Variants in PHACTR1 observed in about 807,000 individuals in gnomAD.
PHACTR1 encodes the protein RPEL repeat containing 1.
Under a neutral mutation model 69.2 loss-of-function variants are expected in PHACTR1, and 16 were observed. That is an observed-to-expected ratio of 0.23 (90% CI 0.16 to 0.35). The LOEUF (loss-of-function observed/expected upper bound fraction) is 0.35, where lower values mean the gene tolerates loss of function less well. Ranked by LOEUF, PHACTR1 falls within the 10% of genes least tolerant of loss-of-function variation. The probability of loss-of-function intolerance (pLI) is 1.00; values close to 1 mark genes in which losing one functional copy is unlikely to be tolerated. For missense variants in PHACTR1, 510 were observed against 734.7 expected (o/e 0.69, Z 3.54); for synonymous variants, 312 against 284.5 (o/e 1.10, Z -0.97).
intron 5 of PHACTR1, among the ~76,000 whole-genome samples, chr6:13,079,937 C>T (rs781001287): frequency 2.6e-5 from 4 of 152,110 alleles, no homozygotes; most frequent in Non-Finnish European, 5.9e-5. Flanking sequence ...ACCTTCCTCT[C>T]GTTTTGACAG....
At chr6:13,092,290 C>T (rs1383926656) in intron 5 of PHACTR1, among the ~76,000 whole-genome samples, 1 of 152,182 alleles carries the variant, frequency 6.6e-6, no homozygotes. Context: ...GGACCCCTGG[C>T]TTAGGGCCTC....
chr6:13,132,259 A>T (rs1034642797), intron 5 of PHACTR1, among the ~76,000 whole-genome samples: 3 of 151,732 alleles, frequency 2.0e-5, no homozygotes, highest in Non-Finnish European at 2.9e-5. Flanking sequence ...ATGGAGCCAA[A>T]CTCTTTCCCT....
chr6:13,278,953 A>G (rs1244226903), intron 12 of PHACTR1, among the ~76,000 whole-genome samples: 25 of 98,814 alleles, frequency 2.5e-4, no homozygotes, highest in Non-Finnish European at 3.2e-4. Flanking sequence ...ACAGAGCAAG[A>G]CTCTGTCTCA....
Position 12,987,939 on chromosome 6 carries a change from C to T in PHACTR1, c.251-65426C>T, listed in dbSNP as rs373552392. Reference sequence around the variant, plus strand: ...GACTGCATGGATGTTGTGAATTTTCCAGCACTTGTGCTAGATGGGACTAAC... The same window carrying T: ...GACTGCATGGATGTTGTGAATTTTCTAGCACTTGTGCTAGATGGGACTAAC... On this transcript the variant is annotated intron_variant, in intron 4 of 14. Transcript: ENST00000332995. Among the ~76,000 whole-genome samples the T allele has an allele frequency of 3.7e-4, 56 of 152,254 alleles. No individual in the cohort carries two copies. The South Asian group carries it at 0.011, about 29-fold the overall frequency.
chr6:13,227,265 C>T (rs1431996538), intron 8 of PHACTR1, among the ~76,000 whole-genome samples: 1 of 152,190 alleles, frequency 6.6e-6, no homozygotes, highest in Non-Finnish European at 1.5e-5. Flanking sequence ...CTCAGCATCT[C>T]CAGCCACAGC....
At position 12,749,747 on chromosome 6, in the gene PHACTR1, G is replaced by A; in HGVS notation, c.207G>A (p.Thr69=). 6.2e-7 allele frequency: 1 copy of A among 1,611,912 alleles called. No individual in the cohort carries two copies. The highest frequency in any genetic ancestry group is 8.5e-7 in the Non-Finnish European group (1 of 1,179,660). Residue 69 remains threonine (T), a synonymous_variant, in exon 4 of 15, where the codon ACG becomes ACA. Coordinates refer to ENST00000332995, the MANE Select transcript of PHACTR1 (RefSeq NM_030948.6). ...PIRRVRSKSD[T]PYLAEARISF... ...GGAGAGTGCGCTCCAAGAGCGACAC[G>A]CCGTACCTCGCAGAGGCCAGGATCT...
At chr6:13,115,452 G>A (rs966139532) in intron 5 of PHACTR1, among the ~76,000 whole-genome samples, 2 of 152,018 alleles carry the variant, frequency 1.3e-5, no homozygotes, top group African/African-American at 4.8e-5. Context: ...CCTCCTAAAG[G>A]GGTTCCTTTT....
intron 4 of PHACTR1, among the ~76,000 whole-genome samples, chr6:12,861,941 G>A (rs1389532136): frequency 6.6e-6 from 1 of 152,092 alleles, no homozygotes; most frequent in Non-Finnish European, 1.5e-5. Flanking sequence ...TATATGTAAA[G>A]TACCATGTAT....
At chr6:12,831,044 G>A (rs1777520094) in intron 4 of PHACTR1, among the ~76,000 whole-genome samples, 2 of 152,062 alleles carry the variant, frequency 1.3e-5, no homozygotes, top group African/African-American at 4.8e-5. Context: ...TTAAAAAGTT[G>A]AATTCCAGAA....
At chr6:13,051,470 C>A (rs1448829815) in intron 4 of PHACTR1, among the ~76,000 whole-genome samples, 2 of 152,160 alleles carry the variant, frequency 1.3e-5, no homozygotes, top group African/African-American at 4.8e-5. Context: ...ACCCTCCAAC[C>A]CCTGTCTCTC....
intron 3 of PHACTR1, among the ~76,000 whole-genome samples, chr6:12,727,925 G>C (rs12530470): frequency 0.057 from 8,623 of 152,168 alleles, 371 homozygotes; most frequent in Admixed American, 0.1. Context: ...GAAATACTAG[G>C]ACTCAACAAA....
chr6:13,122,350 A>G (rs1271819342), intron 5 of PHACTR1, among the ~76,000 whole-genome samples: 1 of 152,184 alleles, frequency 6.6e-6, no homozygotes. Flanking sequence ...TAATTAGGTG[A>G]AGTTGAACCC....
chr6:13,238,286 G>A (rs1297706996), intron 10 of PHACTR1, among the ~76,000 whole-genome samples: 1 of 152,178 alleles, frequency 6.6e-6, no homozygotes, highest in Admixed American at 6.5e-5. Flanking sequence ...ATCAGATGTA[G>A]TTTTCTCCTT....
intron 4 of PHACTR1, among the ~76,000 whole-genome samples, chr6:12,944,781 T>A (rs1046813698): frequency 6.8e-5 from 8 of 118,258 alleles, no homozygotes; most frequent in East Asian, 2.5e-4. Flanking sequence ...TTATTTATTT[T>A]TATTTATTTT....
At chr6:13,133,439 G>A (rs940404718) in intron 5 of PHACTR1, among the ~76,000 whole-genome samples, 8 of 151,758 alleles carry the variant, frequency 5.3e-5, no homozygotes, top group South Asian at 4.2e-4. Context: ...GATTGCAGGC[G>A]CGCGCCGCCA....
At chr6:12,812,313 G>A (rs910210645) in intron 4 of PHACTR1, among the ~76,000 whole-genome samples, 3 of 152,164 alleles carry the variant, frequency 2.0e-5, no homozygotes, top group African/African-American at 7.2e-5. Context: ...CATCCACATT[G>A]TAGCATGTTC....
intron 7 of PHACTR1, among the ~76,000 whole-genome samples, chr6:13,194,263 C>T (rs7746506): frequency 0.085 from 12,871 of 151,856 alleles, 1,298 homozygotes; most frequent in East Asian, 0.58. Flanking sequence ...ATTAGCTGGG[C>T]GTGGTGGCGC....
chr6:13,162,609 C>T (rs559319193), intron 6 of PHACTR1, among the ~76,000 whole-genome samples: 1 of 152,314 alleles, frequency 6.6e-6, no homozygotes, highest in South Asian at 2.1e-4. Context: ...AACAATCCCT[C>T]TTCTCCCTCA....
intron 4 of PHACTR1, among the ~76,000 whole-genome samples, chr6:12,918,097 T>C (rs1294698741): frequency 6.6e-6 from 1 of 152,214 alleles, no homozygotes; most frequent in African/African-American, 2.4e-5. Flanking sequence ...CATGCTGTGT[T>C]ATTCCCAGGC....
Sources: allele counts gnomAD v4.1 joint callset (sites outside exome capture counted in the v4.1 genomes callset), GRCh38; gene constraint gnomAD v4.1.1; transcripts MANE v1.5; gene names NCBI Gene and HGNC (gene_info 2026-07-23, HGNC 2026-07-21).